The following TRAPPC9 variants were observed in gnomAD, a reference collection of about 807,000 sequenced individuals.
TRAPPC9 encodes IKK2 binding protein.
TRAPPC9 carries 83 observed loss-of-function variants against 124.0 expected under a neutral mutation model. That is an observed-to-expected ratio of 0.67 (90% CI 0.56 to 0.80). The LOEUF is 0.80. Among genes scored for constraint, TRAPPC9 ranks in the 30% least tolerant of loss-of-function variants. The pLI is 0.00. For missense variants in TRAPPC9, 1,302 were observed against 1,508.3 expected, an observed-to-expected ratio of 0.86 and a Z score of 2.27; for synonymous variants, 638 against 617.5, an observed-to-expected ratio of 1.03 and a Z score of -0.49.
intron 17 of TRAPPC9, among the ~76,000 whole-genome samples, chr8:140,167,230 G>A (rs2061856207): frequency 6.6e-6 from 1 of 152,126 alleles, no homozygotes; most frequent in South Asian, 2.1e-4. Context: ...CAGAGCACAG[G>A]AATAAAGAAA....
intron 17 of TRAPPC9, among the ~76,000 whole-genome samples, chr8:140,126,004 C>A (rs1587760969): frequency 6.6e-6 from 1 of 152,010 alleles, no homozygotes; most frequent in Non-Finnish European, 1.5e-5. Flanking sequence ...GATCTCTTGA[C>A]TTTGTGATCC....
chr8:140,045,554 G>A (rs1053541827), intron 17 of TRAPPC9, among the ~76,000 whole-genome samples: 9 of 149,984 alleles, frequency 6.0e-5, no homozygotes, highest in African/African-American at 2.2e-4. Flanking sequence ...TTGAATCTGG[G>A]AGGCGGAGGT....
intron 21 of TRAPPC9, among the ~76,000 whole-genome samples, chr8:139,867,826 T>C (rs925014301): frequency 6.6e-6 from 1 of 152,206 alleles, no homozygotes; most frequent in Admixed American, 6.5e-5. Flanking sequence ...AGACTAAATG[T>C]ATATAACAGC....
chr8:140,286,037 A>G (rs2065474424), intron 13 of TRAPPC9, among the ~76,000 whole-genome samples: 2 of 152,244 alleles, frequency 1.3e-5, no homozygotes, highest in African/African-American at 4.8e-5. Flanking sequence ...AATCTATTGC[A>G]CAGAGTCAGG....
At chr8:139,814,310 A>T (rs1052280558) in intron 21 of TRAPPC9, among the ~76,000 whole-genome samples, 6 of 152,224 alleles carry the variant, frequency 3.9e-5, no homozygotes, top group Admixed American at 1.3e-4. Context: ...CCGTGGAGAC[A>T]CGGCGATGAG....
At chr8:139,869,901 A>C (rs1828789455) in intron 21 of TRAPPC9, among the ~76,000 whole-genome samples, 1 of 152,200 alleles carries the variant, frequency 6.6e-6, no homozygotes, top group African/African-American at 2.4e-5. Context: ...AACATGGAAA[A>C]GAGTAGAAAC....
Position 140,451,197 on chromosome 8 carries a change from G to C in TRAPPC9, c.177C>G (p.His59Gln). Reference sequence around the variant, plus strand: ...ACTCGTTGTTCTCGGGTGGGTAGTGGTGCCTGTAGCGGATGTAGAGGACTC... The same window carrying C: ...ACTCGTTGTTCTCGGGTGGGTAGTGCTGCCTGTAGCGGATGTAGAGGACTC... ...SQRVLYIRYR[H>Q]HYPPENNEWG... Residue 59 changes from histidine (H) to glutamine (Q), a missense_variant, in exon 2 of 23, where the codon CAC (histidine) becomes CAG (glutamine). Around this residue, in one of 3 missense-constraint regions of TRAPPC9, gnomAD observed 657 missense variants for 811.2 expected, o/e 0.81. Coordinates refer to ENST00000438773, the MANE Select transcript of TRAPPC9 (RefSeq NM_001160372.4). 1 of 1,614,138 alleles carries C rather than the reference G, an allele frequency of 6.2e-7. No individual in the cohort carries two copies. The highest frequency in any genetic ancestry group is 8.5e-7 in the Non-Finnish European group (1 of 1,180,026).
chr8:140,033,005 T>G (rs1840597880), intron 17 of TRAPPC9, among the ~76,000 whole-genome samples: 1 of 152,246 alleles, frequency 6.6e-6, no homozygotes, highest in African/African-American at 2.4e-5. Flanking sequence ...TTCCATATGC[T>G]TGGCACATTT....
intron 13 of TRAPPC9, 21 bp downstream of exon 13, chr8:140,287,587 G>A (rs762921385): frequency 3.1e-6 from 5 of 1,613,912 alleles, no homozygotes; most frequent in Middle Eastern, 3.3e-4. Flanking sequence ...TGAGCAGGAA[G>A]CATGAAGGGA....
At chr8:140,314,731 T>G (rs141175788) in intron 9 of TRAPPC9, among the ~76,000 whole-genome samples, 1 of 152,258 alleles carries the variant, frequency 6.6e-6, no homozygotes, top group East Asian at 1.9e-4. Flanking sequence ...ACTTAACATA[T>G]GCCCTCCAGG....
At chr8:139,823,812 C>T (rs1490088616) in intron 21 of TRAPPC9, among the ~76,000 whole-genome samples, 5 of 152,190 alleles carry the variant, frequency 3.3e-5, no homozygotes, top group African/African-American at 4.8e-5. Context: ...GATGGGCATC[C>T]TCAGGATAAT....
chr8:140,145,481 CTGT>C (rs1161032834), intron 17 of TRAPPC9, among the ~76,000 whole-genome samples: 13 of 152,082 alleles, frequency 8.5e-5, no homozygotes, highest in Admixed American at 1.3e-4. Flanking sequence ...TTTAAAAGAG[CTGT>C]TATTATAAAT....
intron 21 of TRAPPC9, among the ~76,000 whole-genome samples, chr8:139,819,081 C>G (rs192742414): frequency 1.7e-3 from 257 of 152,288 alleles, no homozygotes; most frequent in African/African-American, 6.0e-3. Context: ...CACCCCACAT[C>G]GTTTGTATTC....
At chr8:139,975,586 A>G (rs560837750) in intron 19 of TRAPPC9, among the ~76,000 whole-genome samples, 5 of 152,308 alleles carry the variant, frequency 3.3e-5, no homozygotes, top group African/African-American at 9.6e-5. Context: ...CAAATTCCTC[A>G]TTAAAAAATA....
intron 18 of TRAPPC9, among the ~76,000 whole-genome samples, chr8:140,009,295 C>T (rs1034512103): frequency 6.6e-6 from 1 of 152,164 alleles, no homozygotes; most frequent in Non-Finnish European, 1.5e-5. Context: ...CTGATATTGT[C>T]AAGACATCAC....
chr8:140,042,888 T>C (rs1288385509), intron 17 of TRAPPC9, among the ~76,000 whole-genome samples: 2 of 152,248 alleles, frequency 1.3e-5, no homozygotes, highest in Non-Finnish European at 2.9e-5. Flanking sequence ...CCAGCAGTTG[T>C]GCCTCCGGGC....
At chr8:140,226,692 AC>A (rs1481823747) in intron 16 of TRAPPC9, among the ~76,000 whole-genome samples, 36 of 151,892 alleles carry the variant, frequency 2.4e-4, no homozygotes, top group Non-Finnish European at 5.2e-4. Flanking sequence ...ACATTGAGAT[AC>A]CCTGGGCAAC....
At chr8:140,355,256 A>C (rs1160522424) in intron 9 of TRAPPC9, among the ~76,000 whole-genome samples, 1 of 152,218 alleles carries the variant, frequency 6.6e-6, no homozygotes, top group Non-Finnish European at 1.5e-5. Flanking sequence ...TATCTAATGG[A>C]AACACAGCCC....
At chr8:140,051,273 G>A (rs539118012) in intron 17 of TRAPPC9, among the ~76,000 whole-genome samples, 11 of 152,318 alleles carry the variant, frequency 7.2e-5, no homozygotes, top group Non-Finnish European at 1.3e-4. Context: ...TGACCTCAGT[G>A]AGCACTGTGG....
Sources: gnomAD v4.1 joint callset for allele counts (sites outside exome capture counted in the v4.1 genomes callset) on GRCh38, gnomAD v4.1.1 for gene constraint, gnomAD v4.1.1 regional missense constraint, MANE v1.5 for transcripts, NCBI Gene and HGNC (gene_info 2026-07-23, HGNC 2026-07-21) for gene names.